Variants in RPS3A observed in about 807,000 individuals in gnomAD.
The protein encoded by RPS3A is ribosomal protein S3A, also known as small ribosomal subunit protein eS1.
RPS3A carries 1 observed loss-of-function variant against 26.4 expected under a neutral mutation model. The observed-to-expected ratio is 0.04, with a 90% confidence interval of 0.01 to 0.18. The LOEUF is 0.18. Ranked by LOEUF, RPS3A falls within the 10% of genes least tolerant of loss-of-function variation. RPS3A has a pLI of 1.00. For missense variants in RPS3A, 139 were observed against 326.8 expected (o/e 0.43, Z 4.43); for synonymous variants, 97 against 106.1 (o/e 0.91, Z 0.53).
At chr4:151,102,150 C>T (rs1200525107) in intron 3 of RPS3A, 7 of 482,662 alleles carry the variant, frequency 1.5e-5, no homozygotes, top group Non-Finnish European at 2.9e-5. Flanking sequence ...TTATGGTTTA[C>T]ATTTCTAGAA....
At chr4:151,103,368 C>T in intron 4 of RPS3A, 1 of 587,756 alleles carries the variant, frequency 1.7e-6, no homozygotes, top group Non-Finnish European at 2.3e-6. Flanking sequence ...GTTCTTGAGC[C>T]TCAGCCTCCT....
At chr4:151,103,101 CA>C (rs1279677656) in intron 4 of RPS3A, 22 bp downstream of exon 4, 3 of 1,588,680 alleles carry the variant, frequency 1.9e-6, no homozygotes, top group Non-Finnish European at 2.6e-6. Context: ...TTTGCTTCCT[CA>C]CACAACACAA....
intron 1 of RPS3A, 102 bp downstream of exon 1, chr4:151,099,816 G>A (rs1747034575): frequency 7.8e-7 from 1 of 1,274,624 alleles, no homozygotes; most frequent in Non-Finnish European, 1.1e-6. Context: ...GATTCCAGTC[G>A]GATTGTGCGG....
chr4:151,099,993 C>T (rs1747047727), intron 1 of RPS3A: 1 of 640,834 alleles, frequency 1.6e-6, no homozygotes. Flanking sequence ...CACGAGCTGC[C>T]TCAATTCTGC....
rs56407811 is a variant in RPS3A, at chr4:151,104,462, T to TTTG, written c.674-10_674-9insTTG. 1 of 1,444,140 alleles carries TTTG rather than the reference T, an allele frequency of 6.9e-7. No homozygotes were observed. The highest frequency in any genetic ancestry group is 9.1e-7 in the Non-Finnish European group (1 of 1,102,204). 89.5% of individuals were successfully genotyped at this position (1,444,140 alleles called of 1,614,324 possible). On this transcript the variant is annotated splice_polypyrimidine_tract_variant and intron_variant, in intron 5 of 5. Coordinates refer to ENST00000274065, the MANE Select transcript of RPS3A (RefSeq NM_001006.5). ...TGGTTTTTTTTTTTTTTTTTTTTTT[T>TTTG]GCCTTTTAGTGGGAAAGCTCATGGA...
rs895886469 is a variant in RPS3A, at chr4:151,103,728, C to A, written c.564-449C>A. On this transcript the variant is annotated intron_variant, in intron 4 of 5. Coordinates refer to ENST00000274065, the MANE Select transcript of RPS3A (RefSeq NM_001006.5). ...GCCAGCCTGGGCAATATAGGGAGACCCTGTCCCAAAAAATAAAAAATATAC... is the reference window on the plus strand; with the variant it reads ...GCCAGCCTGGGCAATATAGGGAGACACTGTCCCAAAAAATAAAAAATATAC... 17 of 1,122,818 alleles carry A rather than the reference C, an allele frequency of 1.5e-5. No homozygotes were observed. In the Admixed American group the frequency reaches 1.6e-4, roughly 11 times the overall value. The allele number at this position is 1,122,818 out of a possible 1,614,324, so 69.6% of individuals were successfully genotyped here. A position where few individuals can be genotyped will look rare whatever the true frequency, so the allele number is the denominator to read the frequency against.
At chr4:151,101,290 C>T (rs2149703440) in intron 3 of RPS3A, 128 bp downstream of exon 3, 2 of 557,716 alleles carry the variant, frequency 3.6e-6, no homozygotes, top group Middle Eastern at 3.0e-4. Context: ...CCACAAAGTT[C>T]ATTTTAAATT....
At chr4:151,099,844 C>T (rs1192346360) in intron 1 of RPS3A, 130 bp downstream of exon 1, 10 of 1,010,392 alleles carry the variant, frequency 9.9e-6, no homozygotes, top group Non-Finnish European at 1.4e-5. Flanking sequence ...CGGGTTGGTG[C>T]ACCCAGGAAC....
chr4:151,101,879 C>A (rs540776513), intron 3 of RPS3A, among the ~76,000 whole-genome samples: 1 of 152,056 alleles, frequency 6.6e-6, no homozygotes, highest in South Asian at 2.1e-4. Context: ...ATTACAGGCA[C>A]CCGCCACCAC....
rs2280282 is a variant in RPS3A at position 151,100,804 on chromosome 4, C to G, written c.167-171C>G. ...TTAAGAAAATGTGCCATGGGTAGTT[C>G]TGAGCTTCAAATAAGTACTGTTGAT... On this transcript the variant is annotated intron_variant, in intron 2 of 5. Transcript: ENST00000274065. Among the ~76,000 whole-genome samples the G allele has an allele frequency of 9.2e-5, 14 of 152,274 alleles. No homozygotes were observed. The East Asian group carries it at 2.7e-3, about 29-fold the overall frequency.
intron 3 of RPS3A, among the ~76,000 whole-genome samples, chr4:151,102,453 G>GA (rs968813551): frequency 7.9e-6 from 1 of 127,348 alleles, no homozygotes; most frequent in Non-Finnish European, 1.7e-5. Flanking sequence ...ACAGTTTTTT[G>GA]AAAAATGACA....
At chr4:151,100,218 C>T (rs1419083660) in intron 1 of RPS3A, among the ~76,000 whole-genome samples, 1 of 152,060 alleles carries the variant, frequency 6.6e-6, no homozygotes, top group Non-Finnish European at 1.5e-5. Flanking sequence ...GTGGAAGGAC[C>T]GATGCATGTT....
intron 4 of RPS3A, chr4:151,103,377 CTGAG>C: frequency 1.7e-6 from 1 of 582,982 alleles, no homozygotes; most frequent in Non-Finnish European, 2.4e-6. Context: ...CCTCAGCCTC[CTGAG>C]TATCTGGGAA....
At chr4:151,100,374 T>C in intron 1 of RPS3A, 111 bp from the exon 2 acceptor site, 1 of 646,710 alleles carries the variant, frequency 1.5e-6, no homozygotes, top group Non-Finnish European at 2.8e-6. Flanking sequence ...TATACTTTGG[T>C]ATCAAATTGC....
intron 1 of RPS3A, 173 bp from the exon 2 acceptor site, chr4:151,100,312 G>C: frequency 1.7e-6 from 1 of 578,776 alleles, no homozygotes; most frequent in Non-Finnish European, 3.1e-6. Flanking sequence ...GCAGTGAAAC[G>C]TACAGTGGGA....
Position 151,104,300 on chromosome 4 carries a change from C to G in RPS3A, c.673+14C>G, listed in dbSNP as rs760195890. On this transcript the variant is annotated intron_variant, in intron 5 of 5. Transcript: ENST00000274065. ...CCAAGTTTGAATGTAAGTGAGAAAT[C>G]ACATGATTCCTGTAGGGCCAAATAC... 1 of 1,611,826 alleles carries G rather than the reference C, an allele frequency of 6.2e-7. No homozygotes were observed. The highest frequency in any genetic ancestry group is 1.3e-5 in the African/African-American group (1 of 74,826).
chr4:151,103,236 A>G, intron 4 of RPS3A, 157 bp downstream of exon 4: 1 of 1,313,782 alleles, frequency 7.6e-7, no homozygotes, highest in Non-Finnish European at 1.0e-6. Flanking sequence ...TTAAGTACTC[A>G]GTAAATATGA....
rs537059073 is a variant in RPS3A at position 151,101,567 on chromosome 4, T to C, written c.354+405T>C. Among the ~76,000 whole-genome samples the C allele has an allele frequency of 2.0e-3, 312 of 152,300 alleles. 1 individual carries two copies. Among genetic ancestry groups the C allele is most frequent in the Admixed American group, 5.2e-3 (80 of 15,290 alleles). ...CAGAGCCTCTGGAGTGAGGTTAAAA[T>C]CTGGGCTCCATTTGCCTATTGTGTT... On this transcript the variant is annotated intron_variant, in intron 3 of 5. Coordinates refer to ENST00000274065, the MANE Select transcript of RPS3A (RefSeq NM_001006.5).
intron 1 of RPS3A, 101 bp downstream of exon 1, chr4:151,099,815 C>T (rs891350955): frequency 1.1e-5 from 14 of 1,279,740 alleles, no homozygotes; most frequent in African/African-American, 8.8e-5. Flanking sequence ...GGATTCCAGT[C>T]GGATTGTGCG....
Sources: allele counts gnomAD v4.1 joint callset (sites outside exome capture counted in the v4.1 genomes callset), GRCh38; gene constraint gnomAD v4.1.1; transcripts MANE v1.5; gene names NCBI Gene and HGNC (gene_info 2026-07-23, HGNC 2026-07-21).